The following GPC5 variants were observed in gnomAD, a reference collection of about 807,000 sequenced individuals.
GPC5 encodes glypican-5.
GPC5 carries 47 observed loss-of-function variants against 53.9 expected under a neutral mutation model. The ratio of observed to expected loss-of-function variants is 0.87; its 90% confidence interval spans 0.69 to 1.11. GPC5 has a LOEUF of 1.11. GPC5 is among the 50% of genes most tolerant of loss of function. The pLI, the probability that GPC5 is intolerant of heterozygous loss-of-function variation, is 0.00. For missense variants in GPC5, 748 were observed against 713.1 expected, an observed-to-expected ratio of 1.05 and a Z score of -0.56; for synonymous variants, 286 against 263.3, an observed-to-expected ratio of 1.09 and a Z score of -0.84.
chr13:92,458,509 G>T (rs1341755722), intron 7 of GPC5, among the ~76,000 whole-genome samples: 1 of 152,066 alleles, frequency 6.6e-6, no homozygotes, highest in African/African-American at 2.4e-5. Context: ...ATGTTGGCAG[G>T]CTGGTCTTGA....
chr13:92,650,768 T>C (rs1477682705), intron 7 of GPC5, among the ~76,000 whole-genome samples: 1 of 152,118 alleles, frequency 6.6e-6, no homozygotes, highest in Non-Finnish European at 1.5e-5. Context: ...TACAGTGAAA[T>C]TTTTCTTTTA....
rs916609728 is a variant in GPC5, at chr13:92,444,732, A to G, written c.1561+299743A>G. On this transcript the variant is annotated intron_variant, in intron 7 of 7. Coordinates refer to ENST00000377067, the MANE Select transcript of GPC5 (RefSeq NM_004466.6). ...CTGAAATCTAAAAAAAAAAAAAAAAAAAAAAAAAGTCTAAACTTAAGGGAT... is the reference window on the plus strand; with the variant it reads ...CTGAAATCTAAAAAAAAAAAAAAAAGAAAAAAAAGTCTAAACTTAAGGGAT... Among the ~76,000 whole-genome samples, 670 of 151,156 alleles carry G rather than the reference A, an allele frequency of 4.4e-3. 6 individuals carry two copies. The highest frequency in any genetic ancestry group is 0.015 in the African/African-American group (634 of 41,372).
chr13:91,748,237 T>A (rs542341191), intron 4 of GPC5, among the ~76,000 whole-genome samples: 1 of 152,228 alleles, frequency 6.6e-6, no homozygotes, highest in African/African-American at 2.4e-5. Flanking sequence ...AATGTGTCAC[T>A]ACATATTAAT....
At chr13:91,826,953 TA>T (rs993385781) in intron 5 of GPC5, among the ~76,000 whole-genome samples, 4 of 151,346 alleles carry the variant, frequency 2.6e-5, no homozygotes, top group Admixed American at 6.6e-5. Flanking sequence ...GAGGGGGAAA[TA>T]AAGAGGAGTT....
At chr13:91,806,345 A>G (rs2038221356) in intron 5 of GPC5, among the ~76,000 whole-genome samples, 1 of 151,974 alleles carries the variant, frequency 6.6e-6, no homozygotes, top group Non-Finnish European at 1.5e-5. Flanking sequence ...AAATGCAATG[A>G]ATTTTTTATT....
intron 2 of GPC5, among the ~76,000 whole-genome samples, chr13:91,604,695 G>T: frequency 1.5e-5 from 2 of 132,394 alleles, no homozygotes; most frequent in Non-Finnish European, 3.2e-5. Flanking sequence ...GCATTTCTCT[G>T]ATGGCCAGTG....
chr13:92,812,452 C>A (rs1306984512), intron 7 of GPC5, among the ~76,000 whole-genome samples: 1 of 151,662 alleles, frequency 6.6e-6, no homozygotes, highest in Admixed American at 6.6e-5. Context: ...ATGATCATCT[C>A]AAATAACACA....
At chr13:92,669,239 A>G (rs1307636888) in intron 7 of GPC5, among the ~76,000 whole-genome samples, 1 of 152,128 alleles carries the variant, frequency 6.6e-6, no homozygotes, top group Non-Finnish European at 1.5e-5. Flanking sequence ...CCTCCAGAAC[A>G]TTCTGCCTTA....
At chr13:91,857,524 C>CTT (rs2038979688) in intron 5 of GPC5, among the ~76,000 whole-genome samples, 2 of 149,506 alleles carry the variant, frequency 1.3e-5, no homozygotes, top group African/African-American at 4.9e-5. Context: ...TTATATATTT[C>CTT]TTATGATTTT....
At chr13:92,353,398 A>G (rs2043497152) in intron 7 of GPC5, among the ~76,000 whole-genome samples, 1 of 152,172 alleles carries the variant, frequency 6.6e-6, no homozygotes, top group African/African-American at 2.4e-5. Context: ...CTTGAAAAAT[A>G]TAGAAAAAGT....
At chr13:91,922,070 C>T (rs180868343) in intron 6 of GPC5, among the ~76,000 whole-genome samples, 2 of 152,174 alleles carry the variant, frequency 1.3e-5, no homozygotes, top group East Asian at 3.9e-4. Flanking sequence ...AATCAATAAG[C>T]ATTGCCAAGA....
intron 5 of GPC5, among the ~76,000 whole-genome samples, chr13:91,821,592 C>T (rs1157972574): frequency 1.3e-5 from 2 of 152,106 alleles, no homozygotes; most frequent in Non-Finnish European, 2.9e-5. Flanking sequence ...TATGTTATGT[C>T]AGATAAAGAG....
Position 91,448,457 on chromosome 13 carries a change from A to G in GPC5, c.164-304A>G, listed in dbSNP as rs1224414095. ...TGATAAAATAAGCAAAAAACCCACA[A>G]AAAACCTTTTTCTTGATTGAGCGCT... On this transcript the variant is annotated intron_variant, in intron 1 of 7. Coordinates refer to ENST00000377067, the MANE Select transcript of GPC5 (RefSeq NM_004466.6). Among the ~76,000 whole-genome samples the G allele has an allele frequency of 3.3e-5, 5 of 152,234 alleles. No individual in the cohort carries two copies. In the East Asian group the frequency reaches 9.6e-4, roughly 29 times the overall value.
At chr13:92,601,159 G>T (rs1307163977) in intron 7 of GPC5, among the ~76,000 whole-genome samples, 1 of 152,100 alleles carries the variant, frequency 6.6e-6, no homozygotes, top group Non-Finnish European at 1.5e-5. Flanking sequence ...TTTCCAACAT[G>T]TCTTGAATTT....
intron 6 of GPC5, among the ~76,000 whole-genome samples, chr13:92,124,055 A>G (rs1195598840): frequency 1.3e-5 from 2 of 151,974 alleles, no homozygotes; most frequent in African/African-American, 4.8e-5. Flanking sequence ...ATAATCATTT[A>G]ACAAAATCGA....
At chr13:92,061,341 G>T (rs1464395310) in intron 6 of GPC5, among the ~76,000 whole-genome samples, 1 of 151,964 alleles carries the variant, frequency 6.6e-6, no homozygotes, top group Non-Finnish European at 1.5e-5. Context: ...AATCAGGTGT[G>T]CTATGCTATT....
At chr13:92,412,680 G>A (rs1463713129) in intron 7 of GPC5, among the ~76,000 whole-genome samples, 1 of 152,178 alleles carries the variant, frequency 6.6e-6, no homozygotes, top group Non-Finnish European at 1.5e-5. Flanking sequence ...TTGAGACAGA[G>A]ACAGACCATA....
chr13:92,841,538 T>C (rs1241821269), intron 7 of GPC5, among the ~76,000 whole-genome samples: 1 of 152,094 alleles, frequency 6.6e-6, no homozygotes, highest in African/African-American at 2.4e-5. Flanking sequence ...GACTCCAAGA[T>C]AGCATTTCAT....
chr13:92,526,263 T>C (rs1347085726), intron 7 of GPC5, among the ~76,000 whole-genome samples: 1 of 152,040 alleles, frequency 6.6e-6, no homozygotes, highest in Middle Eastern at 3.2e-3. Flanking sequence ...AAAAATATGA[T>C]AAATGTTGAC....
Sources: allele counts gnomAD v4.1 joint callset (sites outside exome capture counted in the v4.1 genomes callset), GRCh38; gene constraint gnomAD v4.1.1; transcripts MANE v1.5; gene names NCBI Gene and HGNC (gene_info 2026-07-23, HGNC 2026-07-21).